FAT3: variants seen among roughly 807,000 people sequenced by gnomAD.
FAT3 encodes the protein FAT atypical cadherin 3.
Under a neutral mutation model 310.2 loss-of-function variants are expected in FAT3, and 95 were observed. That is an observed-to-expected ratio of 0.31 (90% CI 0.26 to 0.36). FAT3 has a LOEUF of 0.36. Among genes scored for constraint, FAT3 ranks in the 10% least tolerant of loss-of-function variants. The pLI is 1.00. For synonymous variants in FAT3, 2,314 were observed against 2,192.9 expected (o/e 1.06, Z -1.54); for missense variants, 5,408 against 5,715.6 (o/e 0.95, Z 1.74).
At chr11:92,253,506 T>C (rs1391797671) in intron 1 of FAT3, among the ~76,000 whole-genome samples, 7 of 152,142 alleles carry the variant, frequency 4.6e-5, no homozygotes, top group African/African-American at 1.7e-4. Flanking sequence ...CCTTTGTTCT[T>C]AATATGATTT....
At chr11:92,295,946 C>T (rs1031419072) in intron 1 of FAT3, among the ~76,000 whole-genome samples, 1 of 152,112 alleles carries the variant, frequency 6.6e-6, no homozygotes, top group African/African-American at 2.4e-5. Flanking sequence ...GACCAGGGCA[C>T]ATGCAGCCGC....
chr11:92,343,846 T>A (rs1948338952), intron 1 of FAT3, among the ~76,000 whole-genome samples: 1 of 152,176 alleles, frequency 6.6e-6, no homozygotes, highest in South Asian at 2.1e-4. Flanking sequence ...TTCAGAATCT[T>A]GGGATTGATT....
intron 2 of FAT3, among the ~76,000 whole-genome samples, chr11:92,452,270 G>A (rs767639489): frequency 2.6e-5 from 4 of 152,084 alleles, no homozygotes; most frequent in Non-Finnish European, 5.9e-5. Flanking sequence ...TCATGGTGTG[G>A]GAACTGATGT....
rs554921892 is a variant in FAT3 at position 92,488,800 on chromosome 11, G to A, written c.3293-35834G>A. Reference sequence around the variant, plus strand: ...AGTCTTTGTTACACACTGACTAAAAGCACGGGCACTGAAATCCACCTGCCT... The same window carrying A: ...AGTCTTTGTTACACACTGACTAAAAACACGGGCACTGAAATCCACCTGCCT... On this transcript the variant is annotated intron_variant, in intron 2 of 27. Coordinates refer to ENST00000525166, the MANE Select transcript of FAT3 (RefSeq NM_001367949.2). 2.7e-4 allele frequency among the ~76,000 whole-genome samples: 41 copies of A among 152,194 alleles called. No individual in the cohort carries two copies. In the South Asian group the frequency reaches 7.9e-3, roughly 29 times the overall value.
At chr11:92,298,296 A>G (rs34246922) in intron 1 of FAT3, among the ~76,000 whole-genome samples, 21,205 of 152,116 alleles carry the variant, frequency 0.14, 1,934 homozygotes, top group Non-Finnish European at 0.21. Context: ...TGCTTAAGGA[A>G]TGACTCTGTG....
intron 2 of FAT3, among the ~76,000 whole-genome samples, chr11:92,376,487 C>G (rs1949350064): frequency 6.6e-6 from 1 of 152,168 alleles, no homozygotes; most frequent in African/African-American, 2.4e-5. Flanking sequence ...CACATGCTCA[C>G]TTAACATGCA....
chr11:92,641,111 C>A (rs1014173870), intron 3 of FAT3, among the ~76,000 whole-genome samples: 26 of 151,918 alleles, frequency 1.7e-4, no homozygotes, highest in Non-Finnish European at 4.4e-5. Context: ...TGGGAGGATC[C>A]CTTAAGCCCA....
chr11:92,798,998 C>T lies in FAT3; in HGVS notation c.5985C>T (p.Asn1995=). 6.2e-7 allele frequency: 1 copy of T among 1,613,926 alleles called. No individual in the cohort carries two copies. Among genetic ancestry groups the T allele is most frequent in the Non-Finnish European group, 8.5e-7 (1 of 1,179,864 alleles). The change falls in exon 10 of 28, where the codon AAC becomes AAT. Residue 1995 remains asparagine (N), a synonymous_variant. Transcript: ENST00000525166. The part of the protein sequence containing the change: ...SFYSTSISEN[N]TNITKVAIVN... ...ATTCCACCTCAATCTCAGAGAACAA[C>T]ACTAACATAACCAAAGTTGCTATTG...
At chr11:92,859,056 A>ATGC (rs1481178437) in intron 20 of FAT3, 109 bp from the exon 21 acceptor site, 2 of 1,027,754 alleles carry the variant, frequency 1.9e-6, no homozygotes, top group African/African-American at 3.2e-5. Flanking sequence ...TTAACTTCTC[A>ATGC]TGCATGGTCT....
chr11:92,330,965 G>GGTGT (rs375080524), intron 1 of FAT3, among the ~76,000 whole-genome samples: 280 of 135,964 alleles, frequency 2.1e-3, no homozygotes, highest in African/African-American at 5.5e-3. Flanking sequence ...AGGAGTAAAG[G>GGTGT]GTGTGTGTGT....
At chr11:92,397,167 TAAAACTGTTAAC>T (rs1206307474) in intron 2 of FAT3, among the ~76,000 whole-genome samples, 2 of 152,168 alleles carry the variant, frequency 1.3e-5, no homozygotes, top group Non-Finnish European at 2.9e-5. Context: ...GTAGTGGGGC[TAAAACTGTTAAC>T]AAAATCCTTT....
intron 4 of FAT3, among the ~76,000 whole-genome samples, chr11:92,713,048 G>A (rs568119026): frequency 6.6e-6 from 1 of 152,136 alleles, no homozygotes; most frequent in African/African-American, 2.4e-5. Flanking sequence ...ACCTCACACA[G>A]GTGTTCAGGC....
At chr11:92,465,996 T>C (rs1951750646) in intron 2 of FAT3, among the ~76,000 whole-genome samples, 1 of 152,190 alleles carries the variant, frequency 6.6e-6, no homozygotes, top group South Asian at 2.1e-4. Context: ...TTAATAAGTG[T>C]TGAAAAGCAC....
chr11:92,381,922 T>C (rs1949502344), intron 2 of FAT3, among the ~76,000 whole-genome samples: 1 of 152,042 alleles, frequency 6.6e-6, no homozygotes, highest in African/African-American at 2.4e-5. Context: ...CAAACATTGG[T>C]GGGTAGTTTT....
At chr11:92,692,877 A>T (rs1333442013) in intron 3 of FAT3, among the ~76,000 whole-genome samples, 3 of 152,252 alleles carry the variant, frequency 2.0e-5, no homozygotes, top group Non-Finnish European at 4.4e-5. Flanking sequence ...TTCTTCAAGT[A>T]GCACTTAAAG....
intron 25 of FAT3, among the ~76,000 whole-genome samples, chr11:92,887,738 A>G (rs1949829405): frequency 1.3e-5 from 2 of 152,156 alleles, no homozygotes; most frequent in South Asian, 4.1e-4. Flanking sequence ...ACTTATGCTT[A>G]TGGAGAGGGT....
chr11:92,367,857 A>C (rs186115985), intron 2 of FAT3, among the ~76,000 whole-genome samples: 1 of 152,348 alleles, frequency 6.6e-6, no homozygotes, highest in Admixed American at 6.5e-5. Flanking sequence ...TGATAATGCT[A>C]TCTAAGCAAG....
chr11:92,883,055 T>C lies in FAT3; in HGVS notation c.12599T>C (p.Leu4200Pro), dbSNP rs2136413082. 6.2e-7 allele frequency: 1 copy of C among 1,613,940 alleles called. No homozygotes were observed. Among genetic ancestry groups the C allele is most frequent in the Non-Finnish European group, 8.5e-7 (1 of 1,179,886 alleles). ...TLVQDPATAA[L>P]LNKSNGIPFR... is the part of the protein sequence containing the mutation. ...GTGCAGGACCCGGCCACCGCCGCCCTGCTTAACAAGAGCAATGGCATCCCG... is the reference window on the plus strand; with the variant it reads ...GTGCAGGACCCGGCCACCGCCGCCCCGCTTAACAAGAGCAATGGCATCCCG... The change falls in exon 24 of 28, where the codon CTG (leucine) becomes CCG (proline). Residue 4200 changes from leucine to proline, a missense_variant. By Grantham distance (98) the Leu-to-Pro change is moderately conservative. This residue lies in a region of FAT3 where 649 missense variants were observed against 666.2 expected (regional missense o/e 0.97). Transcript: ENST00000525166. The surrounding 1 kb of genome is among the most constrained non-coding windows in gnomAD (Gnocchi z 4.2).
intron 2 of FAT3, among the ~76,000 whole-genome samples, chr11:92,499,735 G>GTATGTGTGTGTGTGTA (rs57018657): frequency 6.6e-6 from 1 of 150,838 alleles, no homozygotes; most frequent in Non-Finnish European, 1.5e-5. Context: ...GTGTGTGTGT[G>GTATGTGTGTGTGTGTA]TGTGTGTGTG....
Sources: gnomAD v4.1 joint callset for allele counts (sites outside exome capture counted in the v4.1 genomes callset) on GRCh38, gnomAD v4.1.1 for gene constraint, gnomAD v4.1.1 regional missense constraint, Gnocchi (gnomAD v3.1) non-coding constraint, MANE v1.5 for transcripts, NCBI Gene and HGNC (gene_info 2026-07-23, HGNC 2026-07-21) for gene names.